The following DPYD variants were observed in gnomAD, a reference collection of about 807,000 sequenced individuals.
DPYD encodes dihydropyrimidine dehydrogenase.
A neutral mutation model predicts 116.2 loss-of-function variants in DPYD; 109 were observed. The observed-to-expected ratio is 0.94, with a 90% CI of 0.80 to 1.10. DPYD has a LOEUF of 1.10. DPYD is among the 50% of genes least tolerant of loss of function. The pLI, the probability that DPYD is intolerant of heterozygous loss-of-function variation, is 0.00. For missense variants in DPYD, 1,302 were observed against 1,254.5 expected, an observed-to-expected ratio of 1.04 and a Z score of -0.57; for synonymous variants, 440 against 432.0, an observed-to-expected ratio of 1.02 and a Z score of -0.23.
At chr1:97,297,148 A>C (rs1322386070) in intron 18 of DPYD, among the ~76,000 whole-genome samples, 1 of 152,182 alleles carries the variant, frequency 6.6e-6, no homozygotes, top group African/African-American at 2.4e-5. Flanking sequence ...TCTTCAGTAC[A>C]CTTTCCAATC....
chr1:97,715,374 A>C (rs1662555628), intron 5 of DPYD, among the ~76,000 whole-genome samples: 1 of 152,150 alleles, frequency 6.6e-6, no homozygotes, highest in Admixed American at 6.6e-5. Flanking sequence ...ATGCCAATGT[A>C]AACCTATATG....
chr1:97,132,374 C>T (rs1331554676), intron 20 of DPYD, among the ~76,000 whole-genome samples: 2 of 152,096 alleles, frequency 1.3e-5, no homozygotes, highest in Non-Finnish European at 2.9e-5. Flanking sequence ...ATCTATTCTA[C>T]CCCACATTCA....
At chr1:97,268,261 G>A (rs754760450) in intron 18 of DPYD, among the ~76,000 whole-genome samples, 1 of 152,064 alleles carries the variant, frequency 6.6e-6, no homozygotes, top group African/African-American at 2.4e-5. Context: ...ACAATTTGGC[G>A]TCTTATGCCC....
At chr1:97,659,718 T>G (rs995261085) in intron 8 of DPYD, among the ~76,000 whole-genome samples, 5 of 152,168 alleles carry the variant, frequency 3.3e-5, no homozygotes, top group Non-Finnish European at 5.9e-5. Context: ...CCTGAAATTT[T>G]TAAAAGTGCA....
Position 97,193,245 on chromosome 1 carries a change from A to C in DPYD, c.2446T>G (p.Cys816Gly). The C allele has an allele frequency of 1.2e-6, 2 of 1,613,294 alleles. No individual in the cohort carries two copies. The highest frequency in any genetic ancestry group is 1.7e-6 in the Non-Finnish European group (2 of 1,179,666). ...LHSGASVLQV[C>G]SAIQNQDFTV... ...AAATCCTGATTCTGAATGGCACTGCATACCTAGAAAAGACAGAGCAGTCAA... is the reference window on the plus strand; with the variant it reads ...AAATCCTGATTCTGAATGGCACTGCCTACCTAGAAAAGACAGAGCAGTCAA... Residue 816 changes from cysteine (C) to glycine (G), a missense_variant, in exon 20 of 23, where the codon TGC becomes GGC. Cys to Gly is a radical substitution (Grantham distance 159). Coordinates refer to ENST00000370192, the MANE Select transcript of DPYD (RefSeq NM_000110.4).
chr1:97,727,195 G>C (rs1056999715), intron 4 of DPYD, among the ~76,000 whole-genome samples: 1 of 151,656 alleles, frequency 6.6e-6, no homozygotes, highest in African/African-American at 2.4e-5. Context: ...AGCATTAAAT[G>C]GGTAACAGTC....
At chr1:97,712,374 T>G (rs548435274) in intron 5 of DPYD, among the ~76,000 whole-genome samples, 1 of 152,114 alleles carries the variant, frequency 6.6e-6, no homozygotes, top group East Asian at 1.9e-4. Flanking sequence ...ATTGTCATTA[T>G]AGTGTAAATT....
chr1:97,538,087 A>C (rs1263745001), intron 12 of DPYD, among the ~76,000 whole-genome samples: 1 of 149,460 alleles, frequency 6.7e-6, no homozygotes, highest in African/African-American at 2.5e-5. Context: ...AAAAAAAGTC[A>C]ATTTAGTGAT....
chr1:97,684,459 C>T (rs1483100516), intron 7 of DPYD, among the ~76,000 whole-genome samples: 5 of 151,396 alleles, frequency 3.3e-5, no homozygotes, highest in African/African-American at 4.9e-5. Context: ...ATTATGTGAT[C>T]GATTTGAGAG....
chr1:97,563,199 T>C (rs1440340979), intron 11 of DPYD, among the ~76,000 whole-genome samples: 1 of 152,222 alleles, frequency 6.6e-6, no homozygotes, highest in Non-Finnish European at 1.5e-5. Flanking sequence ...AATTAAATCT[T>C]ACATCTTGAT....
At chr1:97,825,919 C>T (rs371848224) in intron 3 of DPYD, among the ~76,000 whole-genome samples, 72 of 152,158 alleles carry the variant, frequency 4.7e-4, no homozygotes, top group African/African-American at 1.6e-3. Flanking sequence ...AAGCATATTC[C>T]GAACACATTT....
At chr1:97,566,887 T>G (rs1652555487) in intron 11 of DPYD, among the ~76,000 whole-genome samples, 1 of 152,180 alleles carries the variant, frequency 6.6e-6, no homozygotes, top group Admixed American at 6.6e-5. Flanking sequence ...CATTATAAAT[T>G]ACCAAATAAG....
At chr1:97,796,665 A>T (rs1667585636) in intron 3 of DPYD, among the ~76,000 whole-genome samples, 1 of 152,136 alleles carries the variant, frequency 6.6e-6, no homozygotes, top group Non-Finnish European at 1.5e-5. Flanking sequence ...ACAAAGAAGG[A>T]GGGTGAGACA....
chr1:97,170,388 G>A (rs149853787), intron 20 of DPYD, among the ~76,000 whole-genome samples: 4 of 152,260 alleles, frequency 2.6e-5, no homozygotes, highest in East Asian at 1.9e-4. Flanking sequence ...AAGCCCATTC[G>A]AGTACTCAGT....
At chr1:97,785,602 T>C (rs1666972015) in intron 3 of DPYD, among the ~76,000 whole-genome samples, 1 of 147,748 alleles carries the variant, frequency 6.8e-6, no homozygotes, top group Non-Finnish European at 1.5e-5. Context: ...TTCAAGCACA[T>C]CACACACCCT....
intron 8 of DPYD, among the ~76,000 whole-genome samples, chr1:97,630,330 T>A (rs1208836295): frequency 1.3e-5 from 2 of 152,088 alleles, no homozygotes; most frequent in Non-Finnish European, 2.9e-5. Context: ...TGTTTTTACC[T>A]CCAAAACTCC....
intron 5 of DPYD, among the ~76,000 whole-genome samples, chr1:97,704,315 A>C (rs1318107138): frequency 6.6e-6 from 1 of 152,062 alleles, no homozygotes; most frequent in African/African-American, 2.4e-5. Context: ...AAACTATGAA[A>C]ATTGAAATCA....
chr1:97,160,284 C>A (rs1655791513), intron 20 of DPYD, among the ~76,000 whole-genome samples: 2 of 151,924 alleles, frequency 1.3e-5, no homozygotes, highest in African/African-American at 4.8e-5. Context: ...TCTTTCTTAT[C>A]CTTTCAGAAT....
chr1:97,173,095 A>T (rs1469479117), intron 20 of DPYD, among the ~76,000 whole-genome samples: 1 of 151,828 alleles, frequency 6.6e-6, no homozygotes, highest in Non-Finnish European at 1.5e-5. Context: ...TCCACTAATA[A>T]ATATCTAAAC....
Sources: allele counts gnomAD v4.1 joint callset (sites outside exome capture counted in the v4.1 genomes callset), GRCh38; gene constraint gnomAD v4.1.1; transcripts MANE v1.5; gene names NCBI Gene and HGNC (gene_info 2026-07-23, HGNC 2026-07-21).